CEP162: variants seen among roughly 807,000 people sequenced by gnomAD.
CEP162 encodes the protein centrosomal protein 162, also known as centrosomal protein of 162 kDa.
In CEP162, 141 loss-of-function variants were observed where a neutral mutation model predicts 169.2. The observed-to-expected ratio is 0.83, with a 90% CI of 0.73 to 0.96. The LOEUF (loss-of-function observed/expected upper bound fraction) is 0.96, where lower values mean the gene tolerates loss of function less well. Ranked by LOEUF, CEP162 falls within the 40% of genes least tolerant of loss-of-function variation. The pLI is 0.00. For missense variants in CEP162, 1,600 were observed against 1,587.2 expected (o/e 1.01, Z -0.14); for synonymous variants, 540 against 526.4 (o/e 1.03, Z -0.35).
At chr6:84,200,930 T>C in intron 8 of CEP162, 25 bp from the exon 9 acceptor site, 1 of 1,330,104 alleles carries the variant, frequency 7.5e-7, no homozygotes, top group East Asian at 2.3e-5. Context: ...AAGAAAAATA[T>C]AAGGAATGTA....
intron 6 of CEP162, among the ~76,000 whole-genome samples, chr6:84,205,006 C>A (rs539945646): frequency 2.0e-5 from 3 of 152,266 alleles, no homozygotes; most frequent in East Asian, 3.9e-4. Flanking sequence ...CACATACACC[C>A]TCCCAAGACT....
Position 84,176,173 on chromosome 6 carries a change from T to C in CEP162, c.1664-826A>G, listed in dbSNP as rs181582197. Among the ~76,000 whole-genome samples, 130 of 152,292 alleles carry C rather than the reference T, an allele frequency of 8.5e-4. 1 individual carries two copies. The highest frequency in any genetic ancestry group is 3.0e-3 in the African/African-American group (125 of 41,570). On this transcript the variant is annotated intron_variant, in intron 13 of 26. Transcript: ENST00000403245. Reference sequence around the variant, plus strand: ...CAAAATTTTAATTTTTAAAAATTTATTCAAGATGCTTTTTAAATGTAGAGT... The same window carrying C: ...CAAAATTTTAATTTTTAAAAATTTACTCAAGATGCTTTTTAAATGTAGAGT...
At chr6:84,134,128 C>T (rs536198112) in intron 25 of CEP162, among the ~76,000 whole-genome samples, 17 of 152,322 alleles carry the variant, frequency 1.1e-4, no homozygotes, top group East Asian at 1.9e-4. Context: ...CTGCCCAGTT[C>T]GAACTTCCTG....
intron 20 of CEP162, 76 bp downstream of exon 20, chr6:84,161,670 A>T (rs1168795249): frequency 3.8e-6 from 4 of 1,065,396 alleles, no homozygotes; most frequent in Admixed American, 2.9e-5. Context: ...ATGCAATGAC[A>T]AAAGGTTATG....
At chr6:84,164,085 C>A (rs12525659) in intron 18 of CEP162, among the ~76,000 whole-genome samples, 7,508 of 150,524 alleles carry the variant, frequency 0.05, 239 homozygotes, top group Admixed American at 0.096. Flanking sequence ...ATGCGGTCAA[C>A]AAACATATGA....
chr6:84,221,241 G>T (rs888982152), intron 2 of CEP162, 70 bp from the exon 3 acceptor site: 8 of 770,922 alleles, frequency 1.0e-5, no homozygotes, highest in Non-Finnish European at 1.1e-5. Context: ...TCATCATTAA[G>T]CATGTTTCTA....
intron 25 of CEP162, among the ~76,000 whole-genome samples, chr6:84,129,920 G>A (rs1338484842): frequency 6.6e-6 from 1 of 152,168 alleles, no homozygotes; most frequent in African/African-American, 2.4e-5. Flanking sequence ...AGTGGTGAGA[G>A]AGGGCATCCT....
At chr6:84,128,680 CTAG>C (rs2099509942) in intron 25 of CEP162, among the ~76,000 whole-genome samples, 2 of 151,968 alleles carry the variant, frequency 1.3e-5, no homozygotes, top group Admixed American at 1.3e-4. Flanking sequence ...TGCACAGTTC[CTAG>C]TAAACATTAA....
chr6:84,221,036 C>A, intron 3 of CEP162, 21 bp downstream of exon 3: 4 of 1,339,050 alleles, frequency 3.0e-6, no homozygotes, highest in Non-Finnish European at 3.2e-6. Context: ...TAATTTGAAA[C>A]TAAAAATCAG....
At chr6:84,207,428 G>C (rs897362410) in intron 6 of CEP162, among the ~76,000 whole-genome samples, 1 of 152,122 alleles carries the variant, frequency 6.6e-6, no homozygotes, top group Admixed American at 6.5e-5. Context: ...GGACATGGAT[G>C]AAGCTAGAAA....
rs77038035 is a variant in CEP162, at chr6:84,161,552, G to T, written c.2676+194C>A. Among the ~76,000 whole-genome samples the T allele has an allele frequency of 2.9e-3, 439 of 152,248 alleles. 1 individual carries two copies. The highest frequency in any genetic ancestry group is 9.9e-3 in the African/African-American group (411 of 41,552). ...TTTGGACCCCATGGGGGCCTGACAG[G>T]TTGTGATAAGGAGCTTATATTTATT... On this transcript the variant is annotated intron_variant, in intron 20 of 26. Transcript: ENST00000403245.
intron 6 of CEP162, among the ~76,000 whole-genome samples, chr6:84,204,936 C>G (rs539343018): frequency 1.3e-5 from 2 of 151,790 alleles, no homozygotes; most frequent in East Asian, 1.9e-4. Context: ...TCGGAGAATA[C>G]TATAAACACC....
intron 6 of CEP162, among the ~76,000 whole-genome samples, chr6:84,208,050 A>G (rs924200151): frequency 2.3e-5 from 3 of 131,092 alleles, no homozygotes; most frequent in Admixed American, 8.1e-5. Context: ...CTCTACAGGT[A>G]TCTCTACTGT....
At chr6:84,190,923 C>T (rs2099539616) in intron 11 of CEP162, among the ~76,000 whole-genome samples, 2 of 152,158 alleles carry the variant, frequency 1.3e-5, no homozygotes, top group African/African-American at 4.8e-5. Flanking sequence ...CCTCATGATC[C>T]GCCTGCCTCA....
intron 3 of CEP162, 58 bp from the exon 4 acceptor site, chr6:84,215,980 T>A: frequency 6.9e-7 from 1 of 1,459,736 alleles, no homozygotes; most frequent in Non-Finnish European, 9.0e-7. Flanking sequence ...TTTTGGCCAC[T>A]ATGACAACAC....
rs141815287 is a variant in CEP162 at position 84,160,961 on chromosome 6, A to T, written c.2677-45T>A. 171 of 1,300,778 alleles carry T rather than the reference A, an allele frequency of 1.3e-4. 1 individual carries two copies. In the African/African-American group the frequency reaches 2.1e-3, roughly 16 times the overall value. 80.6% of individuals were successfully genotyped at this position (1,300,778 alleles called of 1,614,324 possible). On this transcript the variant is annotated intron_variant, in intron 20 of 26. Transcript: ENST00000403245. ...ATGTTAAGAAGCATATGTAAACATA[A>T]CAGAAAAGCTCCAAGGGGAAAGCAT...
In CEP162 at chr6:84,224,142, C is replaced by T. The variant is rs538264923; in HGVS notation, c.57+2195G>A. On this transcript the variant is annotated intron_variant, in intron 2 of 26. Coordinates refer to ENST00000403245, the MANE Select transcript of CEP162 (RefSeq NM_014895.4). ...AAAAAGTGGAAAGAACCCAGATGTC[C>T]GTCAACTGACAGGTGGAAAAACAAA... Among the ~76,000 whole-genome samples, 8 of 152,192 alleles carry T rather than the reference C, an allele frequency of 5.3e-5. No individual in the cohort carries two copies. The East Asian group carries it at 9.7e-4, about 18-fold the overall frequency.
At chr6:84,187,497 T>C (rs958460103) in intron 11 of CEP162, among the ~76,000 whole-genome samples, 3 of 152,242 alleles carry the variant, frequency 2.0e-5, no homozygotes, top group African/African-American at 7.2e-5. Context: ...AGAACCTGGC[T>C]AGATGCTAAT....
At chr6:84,188,268 T>A (rs1035650396) in intron 11 of CEP162, among the ~76,000 whole-genome samples, 1 of 152,124 alleles carries the variant, frequency 6.6e-6, no homozygotes, top group African/African-American at 2.4e-5. Context: ...TTTTTTAAAC[T>A]TTTATTCCAG....
Sources: gnomAD v4.1 joint callset for allele counts (sites outside exome capture counted in the v4.1 genomes callset) on GRCh38, gnomAD v4.1.1 for gene constraint, MANE v1.5 for transcripts, NCBI Gene and HGNC (gene_info 2026-07-23, HGNC 2026-07-21) for gene names.